The following CNOT6L variants were observed in gnomAD, a reference collection of about 807,000 sequenced individuals.
The protein encoded by CNOT6L is CCR4-NOT transcription complex subunit 6-like.
In CNOT6L, 7 loss-of-function variants were observed where a neutral mutation model predicts 64.0. The observed-to-expected ratio is 0.11, with a 90% CI of 0.06 to 0.21. The LOEUF (loss-of-function observed/expected upper bound fraction) is 0.21, where lower values mean the gene tolerates loss of function less well. Ranked by LOEUF, CNOT6L falls within the 10% of genes least tolerant of loss-of-function variation. The pLI is 1.00. For missense variants in CNOT6L, 245 were observed against 669.0 expected (o/e 0.37, Z 6.99); for synonymous variants, 193 against 243.4 (o/e 0.79, Z 1.93).
chr4:77,738,816 G>A (rs1391693240), intron 8 of CNOT6L, among the ~76,000 whole-genome samples: 1 of 147,832 alleles, frequency 6.8e-6, no homozygotes, highest in Non-Finnish European at 1.5e-5. Context: ...ATACATATAA[G>A]AAACATATGC....
intron 1 of CNOT6L, among the ~76,000 whole-genome samples, chr4:77,782,504 A>AT (rs1285122429): frequency 4.7e-4 from 29 of 61,990 alleles, no homozygotes; most frequent in Non-Finnish European, 9.2e-4. Flanking sequence ...AGCTAATTTT[A>AT]TTTTATTTTT....
At chr4:77,740,775 A>C (rs1282926954) in intron 8 of CNOT6L, among the ~76,000 whole-genome samples, 1 of 152,366 alleles carries the variant, frequency 6.6e-6, no homozygotes, top group Non-Finnish European at 1.5e-5. Context: ...GAGCTGAAAA[A>C]TTCCTATCAC....
intron 1 of CNOT6L, among the ~76,000 whole-genome samples, chr4:77,818,687 C>A (rs1733853171): frequency 6.6e-6 from 1 of 152,114 alleles, no homozygotes. Context: ...GAGGCGGCCA[C>A]GGCGACGGCA....
intron 8 of CNOT6L, among the ~76,000 whole-genome samples, chr4:77,734,066 T>C (rs972642830): frequency 2.6e-5 from 4 of 152,178 alleles, no homozygotes; most frequent in Admixed American, 6.5e-5. Flanking sequence ...GCCTTCTTCA[T>C]TTTTTAACTG....
upstream of CNOT6L, chr4:77,819,613 GGGCGGC>G (rs889653462): frequency 1.5e-4 from 24 of 163,392 alleles, no homozygotes; most frequent in South Asian, 5.1e-4. Context: ...GCCGGGGTCC[GGGCGGC>G]GGCGGCGGCG....
chr4:77,804,715 C>T (rs1329675753), intron 1 of CNOT6L, among the ~76,000 whole-genome samples: 1 of 151,652 alleles, frequency 6.6e-6, no homozygotes, highest in African/African-American at 2.4e-5. Flanking sequence ...GTACTAAAAC[C>T]ACTAAAATAT....
At chr4:77,818,779 G>A (rs934718523) in intron 1 of CNOT6L, among the ~76,000 whole-genome samples, 2 of 151,916 alleles carry the variant, frequency 1.3e-5, no homozygotes, top group Non-Finnish European at 2.9e-5. Context: ...CGTCCCGGGA[G>A]GCGTCCGGGG....
In CNOT6L at chr4:77,789,316, C is replaced by T. The variant is rs1333458293; in HGVS notation, c.6-12924G>A. ...GCTCCCCCCACGCTCCCCCCAACCCCGCCCCAATGCAATCATTTAGTCAAC... is the reference window on the plus strand; with the variant it reads ...GCTCCCCCCACGCTCCCCCCAACCCTGCCCCAATGCAATCATTTAGTCAAC... On this transcript the variant is annotated intron_variant, in intron 1 of 11. Coordinates refer to ENST00000504123, the MANE Select transcript of CNOT6L (RefSeq NM_144571.3). 2.6e-5 allele frequency among the ~76,000 whole-genome samples: 4 copies of T among 152,126 alleles called. No homozygotes were observed. The South Asian group carries it at 8.3e-4, about 32-fold the overall frequency.
At position 77,766,025 on chromosome 4, in the gene CNOT6L, T is replaced by C. The variant is rs906546209; in HGVS notation, c.400+7056A>G. Among the ~76,000 whole-genome samples, 5 of 152,336 alleles carry C rather than the reference T, an allele frequency of 3.3e-5. No individual in the cohort carries two copies. In the East Asian group the frequency reaches 9.6e-4, roughly 29 times the overall value. ...TCTGACCCAGGAATCTTATGTCTTC[T>C]GCCACCATCCATGAACCAGTAACTG... On this transcript the variant is annotated intron_variant, in intron 4 of 11. Transcript: ENST00000504123.
At chr4:77,782,919 T>C (rs1031267764) in intron 1 of CNOT6L, among the ~76,000 whole-genome samples, 1 of 152,038 alleles carries the variant, frequency 6.6e-6, no homozygotes, top group Admixed American at 6.5e-5. Context: ...AAGATCATAT[T>C]GACAAAATTA....
chr4:77,756,863 T>G lies in CNOT6L; in HGVS notation c.489A>C (p.Ala163=). Residue 163 remains alanine, a splice_region_variant and synonymous_variant, in exon 5 of 12, where the codon GCA becomes GCC. Transcript: ENST00000504123. ...KLLNFMLDNL[A]VHPEQLPPRP... ...TACAGCTTTGTCACTAACAGTTACC[T>G]GCGAGATTGTCAAGCATGAAGTTCA... 1 of 1,591,918 alleles carries G rather than the reference T, an allele frequency of 6.3e-7. No homozygotes were observed. The highest frequency in any genetic ancestry group is 8.6e-7 in the Non-Finnish European group (1 of 1,162,796).
rs58452605 is a variant in CNOT6L at position 77,807,276 on chromosome 4, C to CAAAAAAAAAAAAAAAAAA, written c.5+12027_5+12028insTTTTTTTTTTTTTTTTTT. Among the ~76,000 whole-genome samples the CAAAAAAAAAAAAAAAAAA allele has an allele frequency of 6.7e-4, 73 of 108,184 alleles. 1 individual carries two copies. The highest frequency in any genetic ancestry group is 3.0e-3 in the African/African-American group (68 of 22,440). The allele number at this position is 108,184 out of a possible 152,430, so 71.0% of individuals were successfully genotyped here. On this transcript the variant is annotated intron_variant, in intron 1 of 11. Coordinates refer to ENST00000504123, the MANE Select transcript of CNOT6L (RefSeq NM_144571.3). Reference sequence around the variant, plus strand: ...ATGGCGACAGAGTGAGACTCCATCTCAAAAAAAAAAAAAAAAATCCTACAA... The same window carrying CAAAAAAAAAAAAAAAAAA: ...ATGGCGACAGAGTGAGACTCCATCTCAAAAAAAAAAAAAAAAAAAAAAAAAAAAAAAAAAATCCTACAA...
intron 1 of CNOT6L, among the ~76,000 whole-genome samples, chr4:77,812,411 C>T (rs1353985332): frequency 6.7e-6 from 1 of 149,764 alleles, no homozygotes; most frequent in Non-Finnish European, 1.5e-5. Context: ...GCACTCCAGC[C>T]TGGGCGACAG....
intron 11 of CNOT6L, among the ~76,000 whole-genome samples, chr4:77,723,751 C>CT: frequency 6.6e-6 from 1 of 152,192 alleles, no homozygotes; most frequent in Admixed American, 6.5e-5. Context: ...ATCAAACACT[C>CT]TCTGAGCCAG....
intron 8 of CNOT6L, among the ~76,000 whole-genome samples, chr4:77,736,066 C>T (rs4859506): frequency 0.86 from 131,273 of 152,164 alleles, 56,867 homozygotes; most frequent in Non-Finnish European, 0.9. Context: ...TTTAAAGGTA[C>T]CTTCTTTTTA....
At chr4:77,721,126 G>A (rs541068538) in intron 11 of CNOT6L, among the ~76,000 whole-genome samples, 1 of 152,284 alleles carries the variant, frequency 6.6e-6, no homozygotes, top group East Asian at 1.9e-4. Flanking sequence ...TTATGGATTT[G>A]CTAATCCTAG....
intron 1 of CNOT6L, among the ~76,000 whole-genome samples, chr4:77,808,767 C>G (rs1462195997): frequency 1.3e-5 from 2 of 152,088 alleles, no homozygotes; most frequent in Admixed American, 1.3e-4. Flanking sequence ...TCCTCTCTTA[C>G]TTATCCCTGT....
intron 1 of CNOT6L, among the ~76,000 whole-genome samples, chr4:77,797,259 C>A (rs1730975242): frequency 6.6e-6 from 1 of 151,802 alleles, no homozygotes; most frequent in South Asian, 2.1e-4. Flanking sequence ...ACACAGTAGC[C>A]CCCCATCTCT....
chr4:77,720,734 C>G, intron 11 of CNOT6L, 91 bp from the exon 12 acceptor site: 1 of 1,252,814 alleles, frequency 8.0e-7, no homozygotes, highest in Non-Finnish European at 1.1e-6. Context: ...ACTGACTACC[C>G]TTTCTTCTGG....
Sources: gnomAD v4.1 joint callset for allele counts (sites outside exome capture counted in the v4.1 genomes callset) on GRCh38, gnomAD v4.1.1 for gene constraint, MANE v1.5 for transcripts, NCBI Gene and HGNC (gene_info 2026-07-23, HGNC 2026-07-21) for gene names.